ZNRF2: variants seen among roughly 807,000 people sequenced by gnomAD.
The protein encoded by ZNRF2 is E3 ubiquitin-protein ligase ZNRF2.
Under a neutral mutation model 20.4 loss-of-function variants are expected in ZNRF2, and 16 were observed. The ratio of observed to expected loss-of-function variants is 0.79; its 90% CI spans 0.53 to 1.19. ZNRF2 has a LOEUF of 1.19. ZNRF2 is among the 50% of genes most tolerant of loss of function. The probability of loss-of-function intolerance (pLI) is 0.00; values close to 1 mark genes in which losing one functional copy is unlikely to be tolerated. For synonymous variants in ZNRF2, 178 were observed against 144.9 expected, an observed-to-expected ratio of 1.23 and a Z score of -1.64; for missense variants, 363 against 332.4, an observed-to-expected ratio of 1.09 and a Z score of -0.72.
chr7:30,288,609 C>G (rs1461724556), intron 1 of ZNRF2: 1 of 152,208 alleles, frequency 6.6e-6, no homozygotes, highest in Non-Finnish European at 1.5e-5. Flanking sequence ...CACTCTTATT[C>G]TCTCTAGAGA....
intron 2 of ZNRF2, among the ~76,000 whole-genome samples, chr7:30,345,518 TTGG>T (rs1799863344): frequency 6.6e-6 from 1 of 152,104 alleles, no homozygotes; most frequent in Non-Finnish European, 1.5e-5. Flanking sequence ...ACTAGTAAAT[TTGG>T]TGGTGGTCCT....
At chr7:30,293,142 A>G (rs1798941735) in intron 1 of ZNRF2, among the ~76,000 whole-genome samples, 1 of 151,842 alleles carries the variant, frequency 6.6e-6, no homozygotes, top group African/African-American at 2.4e-5. Context: ...GAAAATGAAG[A>G]GTCAAGGATT....
intron 1 of ZNRF2, among the ~76,000 whole-genome samples, chr7:30,318,701 C>T (rs1583578922): frequency 6.6e-6 from 1 of 152,112 alleles, no homozygotes. Flanking sequence ...ATCTTTTTGC[C>T]TTAGTCATCA....
In ZNRF2 at chr7:30,366,391, T is replaced by A. The variant is rs1330520196; in HGVS notation, c.*379T>A. The A allele has an allele frequency of 1.3e-5, 2 of 152,638 alleles. No homozygotes were observed. Among genetic ancestry groups the A allele is most frequent in the Non-Finnish European group, 2.9e-5 (2 of 68,010 alleles). 9.5% of individuals were successfully genotyped at this position (152,638 alleles called of 1,614,324 possible). ...AAGTTCTCCAGAGCTGCACAACTAG[T>A]TATGTTTTGATTTGTTTTGTTTTTT... On this transcript the variant is annotated 3_prime_UTR_variant, in exon 5 of 5. Transcript: ENST00000323037.
At chr7:30,296,512 A>C (rs1799022762) in intron 1 of ZNRF2, among the ~76,000 whole-genome samples, 1 of 152,184 alleles carries the variant, frequency 6.6e-6, no homozygotes, top group Non-Finnish European at 1.5e-5. Context: ...AACCTGGATG[A>C]CTTGGCATTT....
chr7:30,327,039 G>A (rs1000657370), intron 2 of ZNRF2, among the ~76,000 whole-genome samples: 4 of 151,916 alleles, frequency 2.6e-5, no homozygotes, highest in African/African-American at 9.7e-5. Context: ...TTAAACCTTT[G>A]TCAGATGCTT....
At chr7:30,286,771 A>T (rs1798797734) in intron 1 of ZNRF2, among the ~76,000 whole-genome samples, 1 of 152,240 alleles carries the variant, frequency 6.6e-6, no homozygotes, top group Admixed American at 6.5e-5. Flanking sequence ...AGAAGTATAG[A>T]AGATAAGCAT....
chr7:30,291,709 C>CAG (rs1798913788), intron 1 of ZNRF2, among the ~76,000 whole-genome samples: 2 of 152,094 alleles, frequency 1.3e-5, no homozygotes, highest in African/African-American at 4.8e-5. Context: ...TAGAAGTATA[C>CAG]TTTAAGTGGT....
chr7:30,355,356 T>A (rs1431615895), intron 2 of ZNRF2, among the ~76,000 whole-genome samples: 2 of 152,154 alleles, frequency 1.3e-5, no homozygotes, highest in Admixed American at 1.3e-4. Flanking sequence ...TTTAGCCACA[T>A]TACACTGTAA....
At chr7:30,299,462 C>T (rs940647506) in intron 1 of ZNRF2, among the ~76,000 whole-genome samples, 2 of 151,340 alleles carry the variant, frequency 1.3e-5, no homozygotes, top group African/African-American at 4.9e-5. Context: ...AAGTGAAAGT[C>T]ACTTTCAGTC....
intron 1 of ZNRF2, among the ~76,000 whole-genome samples, chr7:30,312,789 T>A (rs1799311706): frequency 6.6e-6 from 1 of 152,204 alleles, no homozygotes; most frequent in Non-Finnish European, 1.5e-5. Flanking sequence ...CCTGTGGCTC[T>A]TGGATTAATT....
Position 30,284,871 on chromosome 7 carries a change from C to G in ZNRF2, c.-487C>G, listed in dbSNP as rs1211852847. The G allele has an allele frequency of 4.4e-6, 1 of 228,898 alleles. No homozygotes were observed. Among genetic ancestry groups the G allele is most frequent in the African/African-American group, 2.4e-5 (1 of 41,772 alleles). The allele number at this position is 228,898 out of a possible 1,614,324, so 14.2% of individuals were successfully genotyped here. On this transcript the variant is annotated 5_prime_UTR_variant, in exon 1 of 5. Coordinates refer to ENST00000323037, the MANE Select transcript of ZNRF2 (RefSeq NM_147128.4). ...GTGGCTGGGGGAGGAGGGAAGGTGG[C>G]CCCGGCGGAGTCTGGGCGGGCGCCT...
intron 2 of ZNRF2, among the ~76,000 whole-genome samples, chr7:30,331,243 G>A (rs749946906): frequency 6.6e-6 from 1 of 152,032 alleles, no homozygotes; most frequent in Admixed American, 6.6e-5. Flanking sequence ...AGGAGTGAGA[G>A]TAAGCAGATA....
chr7:30,329,795 G>A (rs942384767), intron 2 of ZNRF2, among the ~76,000 whole-genome samples: 1 of 152,164 alleles, frequency 6.6e-6, no homozygotes, highest in African/African-American at 2.4e-5. Context: ...TCGAAATACT[G>A]ATTTCATTTC....
At chr7:30,308,307 A>G (rs1481373769) in intron 1 of ZNRF2, among the ~76,000 whole-genome samples, 1 of 152,166 alleles carries the variant, frequency 6.6e-6, no homozygotes, top group Non-Finnish European at 1.5e-5. Flanking sequence ...TTTTTCAACC[A>G]TTCCATTGTT....
intron 4 of ZNRF2, among the ~76,000 whole-genome samples, chr7:30,364,405 A>AT: frequency 6.6e-6 from 1 of 152,236 alleles, no homozygotes; most frequent in South Asian, 2.1e-4. Flanking sequence ...ATTGCTTGAG[A>AT]TAAGGAGTTT....
At chr7:30,345,086 G>C (rs557553025) in intron 2 of ZNRF2, among the ~76,000 whole-genome samples, 35 of 152,158 alleles carry the variant, frequency 2.3e-4, no homozygotes, top group Non-Finnish European at 3.1e-4. Flanking sequence ...TTAGGACTTG[G>C]TGTGCCCTTT....
chr7:30,295,254 T>G (rs1371564539), intron 1 of ZNRF2, among the ~76,000 whole-genome samples: 1 of 152,066 alleles, frequency 6.6e-6, no homozygotes, highest in Non-Finnish European at 1.5e-5. Flanking sequence ...TTAGCTCAGT[T>G]TGAGTTCCGC....
intron 3 of ZNRF2, among the ~76,000 whole-genome samples, chr7:30,358,054 A>C (rs1800067304): frequency 6.6e-6 from 1 of 152,210 alleles, no homozygotes; most frequent in African/African-American, 2.4e-5. Flanking sequence ...TAAGACAGAA[A>C]ATGTATAGAT....
Sources: gnomAD v4.1 joint callset for allele counts (sites outside exome capture counted in the v4.1 genomes callset) on GRCh38, gnomAD v4.1.1 for gene constraint, MANE v1.5 for transcripts, NCBI Gene and HGNC (gene_info 2026-07-23, HGNC 2026-07-21) for gene names.